The following PARD3 variants were observed in gnomAD, a reference collection of about 807,000 sequenced individuals.
PARD3 encodes the protein par-3 family cell polarity regulator.
Under a neutral mutation model 155.4 loss-of-function variants are expected in PARD3, and 75 were observed. The observed-to-expected ratio is 0.48, with a 90% CI of 0.40 to 0.58. The LOEUF (loss-of-function observed/expected upper bound fraction) is 0.58. Among genes scored for constraint, PARD3 ranks in the 20% least tolerant of loss-of-function variants. PARD3 has a pLI of 0.00. For missense variants in PARD3, 1,642 were observed against 1,721.7 expected (o/e 0.95, Z 0.82); for synonymous variants, 576 against 610.5 (o/e 0.94, Z 0.83).
intron 1 of PARD3, among the ~76,000 whole-genome samples, chr10:34,766,985 T>A (rs1268791492): frequency 1.3e-5 from 2 of 151,842 alleles, no homozygotes; most frequent in Non-Finnish European, 2.9e-5. Flanking sequence ...GGAGAAGAGG[T>A]CCCACAAGCA....
intron 2 of PARD3, among the ~76,000 whole-genome samples, chr10:34,679,988 C>T (rs1219064479): frequency 6.6e-6 from 1 of 152,066 alleles, no homozygotes; most frequent in Non-Finnish European, 1.5e-5. Context: ...GTACAATGTT[C>T]ACTATTTAGG....
intron 3 of PARD3, among the ~76,000 whole-genome samples, chr10:34,514,662 G>A (rs1314582417): frequency 1.3e-5 from 2 of 152,130 alleles, no homozygotes; most frequent in African/African-American, 4.8e-5. Context: ...CAACACATAT[G>A]CTTCAAATGT....
chr10:34,291,800 A>G (rs900299580), intron 20 of PARD3, among the ~76,000 whole-genome samples: 1 of 152,222 alleles, frequency 6.6e-6, no homozygotes, highest in Non-Finnish European at 1.5e-5. Context: ...TAATCCCAAC[A>G]CTTTGCGAGG....
intron 3 of PARD3, among the ~76,000 whole-genome samples, chr10:34,474,344 TACA>T (rs1163200296): frequency 2.0e-5 from 3 of 152,214 alleles, no homozygotes; most frequent in Non-Finnish European, 4.4e-5. Flanking sequence ...TCATACAGCC[TACA>T]ATTTAGACTC....
intron 1 of PARD3, among the ~76,000 whole-genome samples, chr10:34,712,972 G>A (rs1383157816): frequency 6.6e-6 from 1 of 152,172 alleles, no homozygotes; most frequent in African/African-American, 2.4e-5. Flanking sequence ...ACTTTGGGAG[G>A]CCAAGGCAGG....
intron 12 of PARD3, among the ~76,000 whole-genome samples, chr10:34,363,075 G>T (rs1297232984): frequency 1.3e-5 from 2 of 152,178 alleles, no homozygotes; most frequent in Non-Finnish European, 2.9e-5. Flanking sequence ...ATGCTTACTT[G>T]CTTCAACTCT....
Position 34,384,167 on chromosome 10 carries a change from C to A in PARD3, c.978G>T (p.Arg326Ser), listed in dbSNP as rs183539516. ...NLFRENDCIV[R>S]INDGDLRNRR... Reference sequence around the variant, plus strand: ...TATTTCGAAGGTCGCCATCATTAATCCTGACAATGCAATCATTCTCACGAA... The same window carrying A: ...TATTTCGAAGGTCGCCATCATTAATACTGACAATGCAATCATTCTCACGAA... The change falls in exon 8 of 25, where the codon AGG (arginine) becomes AGT (serine). Residue 326 changes from arginine to serine, a missense_variant. Transcript: ENST00000374788. The A allele has an allele frequency of 1.1e-5, 18 of 1,613,694 alleles. No homozygotes were observed. In the Admixed American group the frequency reaches 3.0e-4, roughly 27 times the overall value.
At chr10:34,600,000 A>G (rs2089621201) in intron 2 of PARD3, among the ~76,000 whole-genome samples, 1 of 152,066 alleles carries the variant, frequency 6.6e-6, no homozygotes. Flanking sequence ...ACCATATTTG[A>G]CACTGTGATG....
intron 2 of PARD3, among the ~76,000 whole-genome samples, chr10:34,684,781 AC>A (rs2093914537): frequency 1.8e-4 from 1 of 5,624 alleles, no homozygotes; most frequent in South Asian, 2.9e-3. Context: ...TGATACATAC[AC>A]ACACACACAC....
chr10:34,267,312 T>C (rs1420150600), intron 22 of PARD3, among the ~76,000 whole-genome samples: 1 of 152,186 alleles, frequency 6.6e-6, no homozygotes, highest in Admixed American at 6.5e-5. Context: ...TTGTCACTGA[T>C]AATAATTGTA....
intron 2 of PARD3, among the ~76,000 whole-genome samples, chr10:34,587,304 G>C (rs1016384129): frequency 2.0e-5 from 3 of 152,054 alleles, no homozygotes; most frequent in Non-Finnish European, 1.5e-5. Flanking sequence ...TATATTTTTA[G>C]TAGAGATGGG....
intron 1 of PARD3, among the ~76,000 whole-genome samples, chr10:34,790,123 CTT>C (rs1841461055): frequency 6.6e-6 from 1 of 152,086 alleles, no homozygotes; most frequent in African/African-American, 2.4e-5. Flanking sequence ...TTATTAAAGA[CTT>C]ATGTGCTTTC....
chr10:34,355,924 C>CA (rs869284165), intron 14 of PARD3, among the ~76,000 whole-genome samples: 1,005 of 42,566 alleles, frequency 0.024, 71 homozygotes, highest in East Asian at 0.057. Flanking sequence ...CACTCCGTCT[C>CA]AAAAAAAAAA....
chr10:34,304,971 A>C (rs1375180817), intron 20 of PARD3, among the ~76,000 whole-genome samples: 1 of 152,204 alleles, frequency 6.6e-6, no homozygotes, highest in African/African-American at 2.4e-5. Flanking sequence ...ATTAGCCAGG[A>C]GAGTGGAAAT....
chr10:34,668,090 G>GT (rs2093532821), intron 2 of PARD3, among the ~76,000 whole-genome samples: 1 of 152,112 alleles, frequency 6.6e-6, no homozygotes, highest in Admixed American at 6.5e-5. Context: ...AAGCAAGACA[G>GT]TAACTACCAC....
intron 22 of PARD3, among the ~76,000 whole-genome samples, chr10:34,264,304 G>T (rs1443063986): frequency 6.6e-6 from 1 of 152,196 alleles, no homozygotes; most frequent in Admixed American, 6.5e-5. Context: ...ACGATGTTTG[G>T]TAGGTGAGGC....
chr10:34,759,156 C>A (rs1325006539), intron 1 of PARD3, among the ~76,000 whole-genome samples: 3 of 151,164 alleles, frequency 2.0e-5, no homozygotes, highest in Non-Finnish European at 4.4e-5. Context: ...AGAATAGATA[C>A]AACTCAATGA....
intron 5 of PARD3, among the ~76,000 whole-genome samples, chr10:34,444,070 C>G (rs1179280007): frequency 6.6e-6 from 1 of 152,092 alleles, no homozygotes; most frequent in African/African-American, 2.4e-5. Context: ...TGGAGAGAGC[C>G]CTAAAACATG....
chr10:34,231,810 C>T (rs1952948859), intron 22 of PARD3, among the ~76,000 whole-genome samples: 2 of 151,976 alleles, frequency 1.3e-5, no homozygotes, highest in South Asian at 4.2e-4. Flanking sequence ...GACATTCTGG[C>T]CCAAGAGAAC....
Sources: gnomAD v4.1 joint callset for allele counts (sites outside exome capture counted in the v4.1 genomes callset) on GRCh38, gnomAD v4.1.1 for gene constraint, MANE v1.5 for transcripts, NCBI Gene and HGNC (gene_info 2026-07-23, HGNC 2026-07-21) for gene names.